The following KCNQ1 variants were observed in gnomAD, a reference collection of about 807,000 sequenced individuals.
KCNQ1 encodes the protein potassium voltage-gated channel subfamily KQT member 1.
KCNQ1 carries 49 observed loss-of-function variants against 72.4 expected under a neutral mutation model. The ratio of observed to expected loss-of-function variants is 0.68; its 90% CI spans 0.54 to 0.86. The LOEUF is 0.86. KCNQ1 is among the 40% of genes least tolerant of loss of function. The pLI, the probability that KCNQ1 is intolerant of heterozygous loss-of-function variation, is 0.00. For synonymous variants in KCNQ1, 450 were observed against 412.6 expected, an observed-to-expected ratio of 1.09 and a Z score of -1.10; for missense variants, 790 against 945.1, an observed-to-expected ratio of 0.84 and a Z score of 2.15.
rs1210169530 is a variant in KCNQ1, at chr11:2,787,035, T to A, written c.1794+8998T>A. ...GAAGTCTGGTGTGAAGTTGGGGTCCTCAGGGAGGAATCATGTTTACCCCTT... is the reference window on the plus strand; with the variant it reads ...GAAGTCTGGTGTGAAGTTGGGGTCCACAGGGAGGAATCATGTTTACCCCTT... On this transcript the variant is annotated intron_variant, in intron 15 of 15. Coordinates refer to ENST00000155840, the MANE Select transcript of KCNQ1 (RefSeq NM_000218.3). This position sits in a 1 kb window ranked among gnomAD's most constrained non-coding sequence, Gnocchi z 6.3. 6.6e-6 allele frequency among the ~76,000 whole-genome samples: 1 copy of A among 151,368 alleles called. No homozygotes were observed.
chr11:2,521,048 T>G (rs1847374153), intron 1 of KCNQ1, among the ~76,000 whole-genome samples: 2 of 120,844 alleles, frequency 1.7e-5, no homozygotes, highest in Admixed American at 8.2e-5. Flanking sequence ...TTAAAAAAAG[T>G]TTTTTTTTTA....
intron 10 of KCNQ1, chr11:2,641,386 A>C (rs1249113853): frequency 2.5e-6 from 1 of 397,398 alleles, no homozygotes; most frequent in Non-Finnish European, 4.4e-6. Flanking sequence ...ATAATTACTG[A>C]TGTTGGGCTT....
chr11:2,641,131 G>T, intron 10 of KCNQ1: 1 of 398,402 alleles, frequency 2.5e-6, no homozygotes, highest in South Asian at 1.3e-4. Context: ...ATAAACACGG[G>T]GATGCAGGTA....
Position 2,682,278 on chromosome 11 carries a change from G to A in KCNQ1, c.1514+20197G>A, listed in dbSNP as rs1178096212. On this transcript the variant is annotated intron_variant, in intron 11 of 15. Transcript: ENST00000155840. The surrounding 1 kb of genome is among the most constrained non-coding windows in gnomAD (Gnocchi z 5.8). ...GCCAATTTCTAAAGCTTAAGACTGG[G>A]CTGTAAAAAATCACATACCTCCCCT... 7.5e-6 allele frequency: 3 copies of A among 398,390 alleles called. No homozygotes were observed. The highest frequency in any genetic ancestry group is 8.8e-5 in the Admixed American group (2 of 22,714). 24.7% of individuals were successfully genotyped at this position (398,390 alleles called of 1,614,324 possible).
At position 2,803,952 on chromosome 11, in the gene KCNQ1, G is replaced by C. The variant is rs1045985368; in HGVS notation, c.1794+25915G>C. ...TGGCAGATCCCACTCGGCTCACACA[G>C]AGCCTTGGCCAGCATGTGGCCGCAG... is the stretch of plus-strand genomic sequence containing the variant. On this transcript the variant is annotated intron_variant, in intron 15 of 15. Coordinates refer to ENST00000155840, the MANE Select transcript of KCNQ1 (RefSeq NM_000218.3). The surrounding 1 kb of genome is among the most constrained non-coding windows in gnomAD (Gnocchi z 6.4). 2.6e-5 allele frequency among the ~76,000 whole-genome samples: 4 copies of C among 152,066 alleles called. No individual in the cohort carries two copies. The highest frequency in any genetic ancestry group is 7.2e-5 in the African/African-American group (3 of 41,382).
rs1850427548 is a variant in KCNQ1 at position 2,683,181 on chromosome 11, G to T, written c.1514+21100G>T. ...ATGGGTATTAGCATCTGCATTAAAA[G>T]GCTCCCACTGACAGCTCATGCATTG... On this transcript the variant is annotated intron_variant, in intron 11 of 15. Coordinates refer to ENST00000155840, the MANE Select transcript of KCNQ1 (RefSeq NM_000218.3). The surrounding 1 kb of genome is among the most constrained non-coding windows in gnomAD (Gnocchi z 4.7). 1.0e-5 allele frequency: 4 copies of T among 398,680 alleles called. No individual in the cohort carries two copies. In the East Asian group the frequency reaches 1.4e-4, roughly 14 times the overall value. 24.7% of individuals were successfully genotyped at this position (398,680 alleles called of 1,614,324 possible).
chr11:2,618,152 G>T, intron 10 of KCNQ1: 1 of 398,286 alleles, frequency 2.5e-6, no homozygotes, highest in South Asian at 1.3e-4. Flanking sequence ...TGTGGGTTTT[G>T]GTCTTATGTT....
At position 2,602,970 on chromosome 11, in the gene KCNQ1, A is replaced by G. The variant is rs1848828335; in HGVS notation, c.1393+14116A>G. Among the ~76,000 whole-genome samples, 1 of 152,228 alleles carries G rather than the reference A, an allele frequency of 6.6e-6. No individual in the cohort carries two copies. The highest frequency in any genetic ancestry group is 6.5e-5 in the Admixed American group (1 of 15,290). ...GATTACACTTCTGATGTCAGGTCTAAGAAGTCTTTGGCCCTGGACCCCAAA... is the reference window on the plus strand; with the variant it reads ...GATTACACTTCTGATGTCAGGTCTAGGAAGTCTTTGGCCCTGGACCCCAAA... On this transcript the variant is annotated intron_variant, in intron 10 of 15. Coordinates refer to ENST00000155840, the MANE Select transcript of KCNQ1 (RefSeq NM_000218.3). The surrounding 1 kb of genome is among the most constrained non-coding windows in gnomAD (Gnocchi z 4.8).
intron 11 of KCNQ1, among the ~76,000 whole-genome samples, chr11:2,731,330 C>G (rs1845855253): frequency 6.6e-6 from 1 of 152,246 alleles, no homozygotes. Flanking sequence ...TGCCCAAATG[C>G]CCTCGTCCCA....
rs952332451 is a variant in KCNQ1, at chr11:2,676,705, G to C, written c.1514+14624G>C. The C allele has an allele frequency of 2.5e-6, 1 of 398,512 alleles. No individual in the cohort carries two copies. Among genetic ancestry groups the C allele is most frequent in the Non-Finnish European group, 4.4e-6 (1 of 226,074 alleles). 24.7% of individuals were successfully genotyped at this position (398,512 alleles called of 1,614,324 possible). ...CACTAACTGGACTACAGCCTGGCAGGAGATAACCAAGTCATATGCATAGTG... is the reference window on the plus strand; with the variant it reads ...CACTAACTGGACTACAGCCTGGCAGCAGATAACCAAGTCATATGCATAGTG... On this transcript the variant is annotated intron_variant, in intron 11 of 15. Transcript: ENST00000155840. This position sits in a 1 kb window ranked among gnomAD's most constrained non-coding sequence, Gnocchi z 4.2.
chr11:2,845,550 G>A (rs1302192949), intron 15 of KCNQ1, among the ~76,000 whole-genome samples: 1 of 152,224 alleles, frequency 6.6e-6, no homozygotes, highest in East Asian at 1.9e-4. Context: ...CCATAGTCTG[G>A]GCCTCACATC....
chr11:2,700,870 CAA>C (rs1564863672), intron 11 of KCNQ1, among the ~76,000 whole-genome samples: 3 of 152,238 alleles, frequency 2.0e-5, no homozygotes, highest in Non-Finnish European at 4.4e-5. Context: ...TTCTGAATGC[CAA>C]GCATTGCCAT....
Position 2,550,033 on chromosome 11 carries a change from G to A in KCNQ1, c.478-20595G>A, listed in dbSNP as rs898685556. ...GGACTGTTTGGGCCTCGAGAGGGAC[G>A]GACCCCAGAACTGGACCCCAATGTG... On this transcript the variant is annotated intron_variant, in intron 2 of 15. Transcript: ENST00000155840. This position sits in a 1 kb window ranked among gnomAD's most constrained non-coding sequence, Gnocchi z 6.0. 3.9e-5 allele frequency among the ~76,000 whole-genome samples: 6 copies of A among 152,206 alleles called. No homozygotes were observed. The East Asian group carries it at 5.8e-4, about 15-fold the overall frequency.
Position 2,526,027 on chromosome 11 carries a change from C to T in KCNQ1, c.387-1901C>T, listed in dbSNP as rs1178401279. ...GGTCAGACATCAGAGCTGGCCTCTG[C>T]CTATGAGACAGGGCCCGCTGGCAGG... On this transcript the variant is annotated intron_variant, in intron 1 of 15. Transcript: ENST00000155840. This position sits in a 1 kb window ranked among gnomAD's most constrained non-coding sequence, Gnocchi z 6.1. 6.6e-6 allele frequency among the ~76,000 whole-genome samples: 1 copy of T among 152,158 alleles called. No individual in the cohort carries two copies. Among genetic ancestry groups the T allele is most frequent in the African/African-American group, 2.4e-5 (1 of 41,426 alleles).
intron 10 of KCNQ1, among the ~76,000 whole-genome samples, chr11:2,594,775 C>CA: frequency 6.6e-6 from 1 of 152,114 alleles, no homozygotes; most frequent in African/African-American, 2.4e-5. Flanking sequence ...ATATTTTAAA[C>CA]TACAACTTTT....
Position 2,491,639 on chromosome 11 carries a change from T to G in KCNQ1, c.387-36289T>G, listed in dbSNP as rs534713829. Among the ~76,000 whole-genome samples, 19 of 152,190 alleles carry G rather than the reference T, an allele frequency of 1.2e-4. No homozygotes were observed. In the South Asian group the frequency reaches 3.3e-3, roughly 27 times the overall value. ...CTTAAAGAGGAGGTAGAGAAAGAGATAGGGGTAGAAAGCTTATTCAAAGGG... is the reference window on the plus strand; with the variant it reads ...CTTAAAGAGGAGGTAGAGAAAGAGAGAGGGGTAGAAAGCTTATTCAAAGGG... On this transcript the variant is annotated intron_variant, in intron 1 of 15. Coordinates refer to ENST00000155840, the MANE Select transcript of KCNQ1 (RefSeq NM_000218.3). The surrounding 1 kb of genome is among the most constrained non-coding windows in gnomAD (Gnocchi z 4.1).
chr11:2,588,966 A>T lies in KCNQ1; in HGVS notation c.1393+112A>T, dbSNP rs1304074902. ...CCTTGGGCTGTGGTCTCTGACAACG[A>T]GGTATGAACAGACAGAGGGTGGAGC... On this transcript the variant is annotated intron_variant, in intron 10 of 15. Coordinates refer to ENST00000155840, the MANE Select transcript of KCNQ1 (RefSeq NM_000218.3). This position sits in a 1 kb window ranked among gnomAD's most constrained non-coding sequence, Gnocchi z 5.6. 4 of 1,257,406 alleles carry T rather than the reference A, an allele frequency of 3.2e-6. No homozygotes were observed. The Admixed American group carries it at 7.9e-5, about 25-fold the overall frequency. 77.9% of individuals were successfully genotyped at this position (1,257,406 alleles called of 1,614,324 possible). A position where few individuals can be genotyped will look rare whatever the true frequency, so the allele number is the denominator to read the frequency against.
rs527601845 is a variant in KCNQ1 at position 2,742,699 on chromosome 11, G to A, written c.1515-26145G>A. Reference sequence around the variant, plus strand: ...CTAAAGCTTTGCAAACAAGAGCCTCGGAGAGAAGGAGGCCTTCCCCTCCCC... The same window carrying A: ...CTAAAGCTTTGCAAACAAGAGCCTCAGAGAGAAGGAGGCCTTCCCCTCCCC... On this transcript the variant is annotated intron_variant, in intron 11 of 15. Transcript: ENST00000155840. Among the ~76,000 whole-genome samples the A allele has an allele frequency of 4.0e-3, 616 of 152,364 alleles. 1 individual carries two copies. Among genetic ancestry groups the A allele is most frequent in the Non-Finnish European group, 6.7e-3 (454 of 68,034 alleles).
At chr11:2,570,468 G>T (rs1215956835) in intron 2 of KCNQ1, among the ~76,000 whole-genome samples, 160 bp from the exon 3 acceptor site, 1 of 152,212 alleles carries the variant, frequency 6.6e-6, no homozygotes, top group African/African-American at 2.4e-5. Context: ...GCCTCTGTGC[G>T]CAGGCATCAC....
Sources: allele counts gnomAD v4.1 joint callset (sites outside exome capture counted in the v4.1 genomes callset), GRCh38; gene constraint gnomAD v4.1.1; non-coding constraint Gnocchi (gnomAD v3.1); transcripts MANE v1.5; gene names NCBI Gene and HGNC (gene_info 2026-07-23, HGNC 2026-07-21).